The following ZNF804A variants were observed in gnomAD, a reference collection of about 807,000 sequenced individuals.
ZNF804A encodes the protein zinc finger protein 804A.
Under a neutral mutation model 16.5 loss-of-function variants are expected in ZNF804A, and 2 were observed. The ratio of observed to expected loss-of-function variants is 0.12; its 90% CI spans 0.05 to 0.38. The LOEUF (loss-of-function observed/expected upper bound fraction) is 0.38. ZNF804A is among the 10% of genes least tolerant of loss of function. ZNF804A has a pLI of 0.99. For missense variants in ZNF804A, 1,473 were observed against 1,390.7 expected, an observed-to-expected ratio of 1.06 and a Z score of -0.94; for synonymous variants, 534 against 489.6, an observed-to-expected ratio of 1.09 and a Z score of -1.20.
At chr2:184,612,458 G>GA (rs991670016) in intron 1 of ZNF804A, among the ~76,000 whole-genome samples, 2 of 148,738 alleles carry the variant, frequency 1.3e-5, no homozygotes, top group African/African-American at 5.0e-5. Flanking sequence ...TTGGGGGGGG[G>GA]ACGGAGTCTT....
At chr2:184,646,349 T>C (rs1691872132) in intron 1 of ZNF804A, among the ~76,000 whole-genome samples, 1 of 152,174 alleles carries the variant, frequency 6.6e-6, no homozygotes, top group African/African-American at 2.4e-5. Context: ...AGGTCCAGCT[T>C]GGTGAACTGG....
At chr2:184,734,592 G>T (rs1164568458) in intron 1 of ZNF804A, among the ~76,000 whole-genome samples, 1 of 152,110 alleles carries the variant, frequency 6.6e-6, no homozygotes, top group Non-Finnish European at 1.5e-5. Flanking sequence ...CCAGAATGTG[G>T]TCTATCTTGG....
chr2:184,927,880 G>C (rs1231397350), intron 2 of ZNF804A, among the ~76,000 whole-genome samples: 2 of 152,132 alleles, frequency 1.3e-5, no homozygotes, highest in Admixed American at 1.3e-4. Flanking sequence ...AGGGCAGTGG[G>C]CTCCCCTCTG....
At chr2:184,702,777 C>T (rs1692942487) in intron 1 of ZNF804A, among the ~76,000 whole-genome samples, 1 of 152,080 alleles carries the variant, frequency 6.6e-6, no homozygotes, top group African/African-American at 2.4e-5. Context: ...AATTATGTGA[C>T]ATTTTTTATG....
At chr2:184,797,349 T>G (rs1445060585) in intron 1 of ZNF804A, among the ~76,000 whole-genome samples, 1 of 152,186 alleles carries the variant, frequency 6.6e-6, no homozygotes, top group African/African-American at 2.4e-5. Flanking sequence ...GTTATTTTCC[T>G]GTTGGAGAAG....
At chr2:184,772,632 G>A (rs1694233446) in intron 1 of ZNF804A, among the ~76,000 whole-genome samples, 1 of 151,664 alleles carries the variant, frequency 6.6e-6, no homozygotes, top group South Asian at 2.1e-4. Flanking sequence ...TTTTGAGTAT[G>A]TACCTAGAAA....
intron 1 of ZNF804A, among the ~76,000 whole-genome samples, chr2:184,636,321 TGAGA>T (rs147915572): frequency 2.2e-3 from 323 of 147,758 alleles, no homozygotes; most frequent in Non-Finnish European, 4.0e-3. Flanking sequence ...TGTGTGTGTG[TGAGA>T]GAGAGAGAGA....
chr2:184,824,115 G>T (rs1490717690), intron 1 of ZNF804A, among the ~76,000 whole-genome samples: 1 of 152,016 alleles, frequency 6.6e-6, no homozygotes, highest in Non-Finnish European at 1.5e-5. Flanking sequence ...TCACTCTGTG[G>T]CTGTCCTCTT....
chr2:184,609,261 A>G (rs1691199762), intron 1 of ZNF804A, among the ~76,000 whole-genome samples: 1 of 152,158 alleles, frequency 6.6e-6, no homozygotes, highest in South Asian at 2.1e-4. Context: ...GGAAACAGAT[A>G]TAGGACTGTA....
chr2:184,935,590 T>G (rs1685771184), intron 3 of ZNF804A, among the ~76,000 whole-genome samples, 193 bp from the exon 4 acceptor site: 1 of 152,124 alleles, frequency 6.6e-6, no homozygotes, highest in Admixed American at 6.5e-5. Flanking sequence ...TCCAAGTTAT[T>G]CCAAACAGTA....
intron 1 of ZNF804A, among the ~76,000 whole-genome samples, chr2:184,612,814 A>T (rs1413804260): frequency 1.3e-5 from 2 of 152,216 alleles, no homozygotes; most frequent in African/African-American, 4.8e-5. Context: ...TTTCAGATGG[A>T]GTTTATTACT....
chr2:184,885,979 C>G (rs11894088), intron 2 of ZNF804A, among the ~76,000 whole-genome samples: 1 of 151,764 alleles, frequency 6.6e-6, no homozygotes, highest in African/African-American at 2.4e-5. Flanking sequence ...CCTTTCCAAC[C>G]GTCTCCTGAA....
chr2:184,599,748 G>A (rs2105662973), intron 1 of ZNF804A, among the ~76,000 whole-genome samples: 1 of 152,328 alleles, frequency 6.6e-6, no homozygotes, highest in Middle Eastern at 3.4e-3. Flanking sequence ...GTTGCTGGAA[G>A]GTTCTCACTG....
chr2:184,729,173 T>C (rs914899254), intron 1 of ZNF804A, among the ~76,000 whole-genome samples: 6 of 151,892 alleles, frequency 4.0e-5, no homozygotes, highest in Admixed American at 3.3e-4. Flanking sequence ...AAGAATAAAT[T>C]TTAAGTGCTC....
Position 184,936,137 on chromosome 2 carries a change from C to T in ZNF804A, c.741C>T (p.Ser247=). Reference sequence around the variant, plus strand: ...ATGCCTCAGTGGGAAAAGGATTTAGCAGAAAAAGTAGATTTGTCCCCAGTG... The same window carrying T: ...ATGCCTCAGTGGGAAAAGGATTTAGTAGAAAAAGTAGATTTGTCCCCAGTG... The part of the protein sequence containing the change: ...SDDASVGKGF[S]RKSRFVPSAC... The change falls in exon 4 of 4, where the codon AGC becomes AGT. Residue 247 remains serine (S), a synonymous_variant. Transcript: ENST00000302277. 3.1e-6 allele frequency: 5 copies of T among 1,613,986 alleles called. No individual in the cohort carries two copies. Among genetic ancestry groups the T allele is most frequent in the Non-Finnish European group, 4.2e-6 (5 of 1,179,936 alleles).
At chr2:184,679,022 A>C (rs532766326) in intron 1 of ZNF804A, among the ~76,000 whole-genome samples, 2 of 152,238 alleles carry the variant, frequency 1.3e-5, no homozygotes, top group African/African-American at 4.8e-5. Context: ...ACTTTAATGT[A>C]ATAATAAAAA....
chr2:184,648,515 G>C (rs1691920526), intron 1 of ZNF804A, among the ~76,000 whole-genome samples: 1 of 152,014 alleles, frequency 6.6e-6, no homozygotes, highest in South Asian at 2.1e-4. Context: ...TAAAAAACAA[G>C]ACCCATAATC....
At chr2:184,612,504 T>A (rs940766602) in intron 1 of ZNF804A, among the ~76,000 whole-genome samples, 2 of 151,524 alleles carry the variant, frequency 1.3e-5, no homozygotes, top group African/African-American at 4.9e-5. Flanking sequence ...AGTGGTGTGA[T>A]CTTGGCTCAC....
intron 1 of ZNF804A, among the ~76,000 whole-genome samples, chr2:184,792,256 G>A (rs74966874): frequency 4.1e-4 from 62 of 152,246 alleles, no homozygotes; most frequent in Admixed American, 1.5e-3. Flanking sequence ...TTCTTCAATC[G>A]TGGCTGTACC....
Sources: gnomAD v4.1 joint callset for allele counts (sites outside exome capture counted in the v4.1 genomes callset) on GRCh38, gnomAD v4.1.1 for gene constraint, MANE v1.5 for transcripts, NCBI Gene and HGNC (gene_info 2026-07-23, HGNC 2026-07-21) for gene names.